ADARB2: variants seen among roughly 807,000 people sequenced by gnomAD.
The protein encoded by ADARB2 is adenosine deaminase RNA specific B2 (inactive).
Under a neutral mutation model 62.2 loss-of-function variants are expected in ADARB2, and 25 were observed. The observed-to-expected ratio is 0.40, with a 90% confidence interval of 0.29 to 0.56. ADARB2 has a LOEUF of 0.56. Among genes scored for constraint, ADARB2 ranks in the 20% least tolerant of loss-of-function variants. The pLI is 0.43. For synonymous variants in ADARB2, 572 were observed against 500.8 expected (o/e 1.14, Z -1.90); for missense variants, 1,071 against 1,077.4 (o/e 0.99, Z 0.08).
In ADARB2 at chr10:1,510,083, C is replaced by T. The variant is rs1276836079; in HGVS notation, c.101-130923G>A. The stretch of plus-strand genomic sequence containing the variant: ...TCTCACTCTTTCTTTCTTTCTCTTT[C>T]TCTCTCTCTCTCTTTTCTTTCTTTC... On this transcript the variant is annotated intron_variant, in intron 1 of 9. Transcript: ENST00000381312. Among the ~76,000 whole-genome samples, 4 of 140,830 alleles carry T rather than the reference C, an allele frequency of 2.8e-5. 1 individual carries two copies. Among genetic ancestry groups the T allele is most frequent in the Admixed American group, 1.5e-4 (2 of 13,452 alleles). The allele number at this position is 140,830 out of a possible 152,430, so 92.4% of individuals were successfully genotyped here. A position where few individuals can be genotyped will look rare whatever the true frequency, so the allele number is the denominator to read the frequency against.
At chr10:1,603,114 T>TAC (rs1588319477) in intron 1 of ADARB2, among the ~76,000 whole-genome samples, 1 of 145,870 alleles carries the variant, frequency 6.9e-6, no homozygotes, top group South Asian at 2.1e-4. Context: ...CACACACCTA[T>TAC]ACACACACAC....
chr10:1,606,322 G>A (rs191632763), intron 1 of ADARB2, among the ~76,000 whole-genome samples: 6 of 151,812 alleles, frequency 4.0e-5, no homozygotes, highest in Admixed American at 1.3e-4. Flanking sequence ...ACCTGAGCGG[G>A]GGGGAGCATC....
At chr10:1,270,194 T>C (rs1831247323) in intron 4 of ADARB2, among the ~76,000 whole-genome samples, 1 of 152,194 alleles carries the variant, frequency 6.6e-6, no homozygotes, top group African/African-American at 2.4e-5. Context: ...TGGTCCTTTA[T>C]TTTGTAACAT....
At chr10:1,532,209 G>A (rs1334157974) in intron 1 of ADARB2, among the ~76,000 whole-genome samples, 3 of 148,988 alleles carry the variant, frequency 2.0e-5, no homozygotes, top group Admixed American at 1.3e-4. Context: ...GTATCAGCCC[G>A]CACCATTCCC....
At chr10:1,713,394 G>T (rs756282681) in intron 1 of ADARB2, among the ~76,000 whole-genome samples, 51 of 152,206 alleles carry the variant, frequency 3.4e-4, no homozygotes, top group Non-Finnish European at 6.6e-4. Context: ...GGGCAGTGCT[G>T]CTCCCAGCAT....
chr10:1,619,646 T>C (rs1476030093), intron 1 of ADARB2, among the ~76,000 whole-genome samples: 1 of 152,130 alleles, frequency 6.6e-6, no homozygotes, highest in Non-Finnish European at 1.5e-5. Context: ...GAGATGGGGT[T>C]TCACCATGTT....
chr10:1,447,441 G>A (rs1241681352), intron 1 of ADARB2, among the ~76,000 whole-genome samples: 1 of 152,210 alleles, frequency 6.6e-6, no homozygotes, highest in East Asian at 1.9e-4. Flanking sequence ...GGAGATGGCT[G>A]TAAAGGATGT....
At chr10:1,249,191 C>T (rs1831013797) in intron 4 of ADARB2, among the ~76,000 whole-genome samples, 1 of 152,186 alleles carries the variant, frequency 6.6e-6, no homozygotes, top group Admixed American at 6.5e-5. Context: ...CCTGTAATCC[C>T]AGCACTTTGG....
intron 4 of ADARB2, among the ~76,000 whole-genome samples, chr10:1,250,509 G>C (rs909081265): frequency 7.2e-5 from 11 of 152,120 alleles, no homozygotes; most frequent in African/African-American, 2.2e-4. Context: ...TAGTTCCCAT[G>C]AGCGTGGGCT....
intron 1 of ADARB2, among the ~76,000 whole-genome samples, chr10:1,386,288 G>T (rs1342736320): frequency 2.6e-5 from 4 of 151,928 alleles, no homozygotes; most frequent in Admixed American, 2.0e-4. Context: ...AAAAAAATTA[G>T]CAATATGGTA....
chr10:1,433,464 G>A (rs1210619156), intron 1 of ADARB2, among the ~76,000 whole-genome samples: 2 of 152,200 alleles, frequency 1.3e-5, no homozygotes, highest in African/African-American at 2.4e-5. Context: ...CTGCTGGGTC[G>A]AAGTCTCCTG....
rs182679520 is a variant in ADARB2 at position 1,180,960 on chromosome 10, C to T, written c.*2233G>A. 7 of 152,348 alleles carry T rather than the reference C, an allele frequency of 4.6e-5. No individual in the cohort carries two copies. The highest frequency in any genetic ancestry group is 2.6e-4 in the Admixed American group (4 of 15,298). 9.4% of individuals were successfully genotyped at this position (152,348 alleles called of 1,614,324 possible). On this transcript the variant is annotated 3_prime_UTR_variant, in exon 10 of 10. Coordinates refer to ENST00000381312, the MANE Select transcript of ADARB2 (RefSeq NM_018702.4). ...CTGAGACAAAACGAATCCCAACCCC[C>T]CAGCTGTGGCTTCATGATGCTGGCC...
intron 3 of ADARB2, among the ~76,000 whole-genome samples, chr10:1,347,717 C>G (rs1832093445): frequency 6.6e-6 from 1 of 152,152 alleles, no homozygotes; most frequent in Admixed American, 6.5e-5. Flanking sequence ...ATCAACGCCT[C>G]CCGACAGCGC....
intron 5 of ADARB2, among the ~76,000 whole-genome samples, chr10:1,241,376 G>A (rs1443498114): frequency 6.6e-6 from 1 of 152,212 alleles, no homozygotes; most frequent in Non-Finnish European, 1.5e-5. Flanking sequence ...GCATGGAGAT[G>A]ACCCTTGCCA....
At chr10:1,623,704 A>C (rs915870186) in intron 1 of ADARB2, among the ~76,000 whole-genome samples, 2 of 151,754 alleles carry the variant, frequency 1.3e-5, no homozygotes, top group Non-Finnish European at 2.9e-5. Flanking sequence ...GACATTGGAG[A>C]CCTCCCTCCC....
Position 1,629,556 on chromosome 10 carries a change from AC to A in ADARB2, c.100+107494del, listed in dbSNP as rs1211186098. Among the ~76,000 whole-genome samples, 5 of 36,850 alleles carry A rather than the reference AC, an allele frequency of 1.4e-4. No individual in the cohort carries two copies. The Admixed American group carries it at 1.6e-3, about 12-fold the overall frequency. 24.2% of individuals were successfully genotyped at this position (36,850 alleles called of 152,430 possible). On this transcript the variant is annotated intron_variant, in intron 1 of 9. Coordinates refer to ENST00000381312, the MANE Select transcript of ADARB2 (RefSeq NM_018702.4). ...CCCCCAGTACTCAAACCCCCCCAGC[AC>A]CCAACCCCCCCAGCACTCAAGCCCC...
chr10:1,256,701 T>G (rs1418054626), intron 4 of ADARB2, among the ~76,000 whole-genome samples: 1 of 152,110 alleles, frequency 6.6e-6, no homozygotes, highest in Non-Finnish European at 1.5e-5. Context: ...AATATGGTAA[T>G]TACACATTTA....
intron 1 of ADARB2, among the ~76,000 whole-genome samples, chr10:1,596,300 G>C (rs1833333658): frequency 6.6e-6 from 1 of 152,146 alleles, no homozygotes; most frequent in Admixed American, 6.5e-5. Flanking sequence ...TTTACTTGTG[G>C]GGAAAAACCA....
At chr10:1,331,154 C>A (rs1831924519) in intron 3 of ADARB2, among the ~76,000 whole-genome samples, 1 of 152,154 alleles carries the variant, frequency 6.6e-6, no homozygotes, top group African/African-American at 2.4e-5. Flanking sequence ...GAAATTGGAA[C>A]CCTCATACAT....
Sources: gnomAD v4.1 joint callset for allele counts (sites outside exome capture counted in the v4.1 genomes callset) on GRCh38, gnomAD v4.1.1 for gene constraint, MANE v1.5 for transcripts, NCBI Gene and HGNC (gene_info 2026-07-23, HGNC 2026-07-21) for gene names.